Variants in CAMK2D observed in about 807,000 individuals in gnomAD.
CAMK2D encodes the protein calcium/calmodulin dependent protein kinase II delta.
In CAMK2D, 37 loss-of-function variants were observed where a neutral mutation model predicts 84.0. The ratio of observed to expected loss-of-function variants is 0.44; its 90% confidence interval spans 0.34 to 0.58. The LOEUF is 0.58. Ranked by LOEUF, CAMK2D falls within the 20% of genes least tolerant of loss-of-function variation. CAMK2D has a pLI of 0.02. For synonymous variants in CAMK2D, 202 were observed against 212.5 expected, an observed-to-expected ratio of 0.95 and a Z score of 0.43; for missense variants, 448 against 652.5, an observed-to-expected ratio of 0.69 and a Z score of 3.41.
intron 16 of CAMK2D, among the ~76,000 whole-genome samples, chr4:113,474,839 G>C (rs1380272526): frequency 6.6e-6 from 1 of 152,012 alleles, no homozygotes; most frequent in Non-Finnish European, 1.5e-5. Context: ...TAGAGACAGG[G>C]TTTCACCATG....
chr4:113,531,259 T>C lies in CAMK2D; in HGVS notation c.558A>G (p.Leu186=). Reference sequence around the variant, plus strand: ...CTGGCTTTCCATAAGGATCTTTACGTAAAACTTCTGGAGAAAGATATCCAG... The same window carrying C: ...CTGGCTTTCCATAAGGATCTTTACGCAAAACTTCTGGAGAAAGATATCCAG... The part of the protein sequence containing the change: ...GTPGYLSPEV[L]RKDPYGKPVD... Residue 186 remains leucine (L), a synonymous_variant, in exon 8 of 21, where the codon TTA becomes TTG. Coordinates refer to ENST00000511664, the MANE Select transcript of CAMK2D (RefSeq NM_001321571.2). 1 of 1,606,370 alleles carries C rather than the reference T, an allele frequency of 6.2e-7. No homozygotes were observed. The highest frequency in any genetic ancestry group is 1.1e-5 in the South Asian group (1 of 90,902).
At chr4:113,482,045 A>G (rs2097707000) in intron 16 of CAMK2D, among the ~76,000 whole-genome samples, 1 of 152,218 alleles carries the variant, frequency 6.6e-6, no homozygotes, top group African/African-American at 2.4e-5. Context: ...AGCCCTGGTC[A>G]TGGTAGGCCT....
At chr4:113,464,618 CAAAGT>C (rs140414333) in intron 17 of CAMK2D, among the ~76,000 whole-genome samples, 233 of 152,292 alleles carry the variant, frequency 1.5e-3, no homozygotes, top group Admixed American at 2.5e-3. Context: ...TTAACTTCAG[CAAAGT>C]AATTTCCTTC....
intron 6 of CAMK2D, among the ~76,000 whole-genome samples, chr4:113,540,085 T>C (rs2098520201): frequency 6.6e-6 from 1 of 152,144 alleles, no homozygotes; most frequent in African/African-American, 2.4e-5. Flanking sequence ...TGTTCTGTGA[T>C]TGTGTGGGAG....
chr4:113,457,499 C>T lies in CAMK2D; in HGVS notation c.1371G>A (p.Gly457=), dbSNP rs747823243. 6.2e-7 allele frequency: 1 copy of T among 1,613,472 alleles called. No individual in the cohort carries two copies. Among genetic ancestry groups the T allele is most frequent in the Non-Finnish European group, 8.5e-7 (1 of 1,179,478 alleles). Residue 457 remains glycine, a synonymous_variant, in exon 19 of 21, where the codon GGG becomes GGA. Transcript: ENST00000511664. ...IILNPHVHLV[G]DDAACIAYIR... is the part of the protein sequence containing the mutation. ...TATATGCTATGCAGGCGGCATCATCCCCTACCAGATGTACATGAGGGTTTA... is the reference window on the plus strand; with the variant it reads ...TATATGCTATGCAGGCGGCATCATCTCCTACCAGATGTACATGAGGGTTTA...
chr4:113,567,316 C>T (rs751607896), intron 4 of CAMK2D, among the ~76,000 whole-genome samples: 1 of 151,952 alleles, frequency 6.6e-6, no homozygotes, highest in African/African-American at 2.4e-5. Context: ...TACAGGCACC[C>T]GCCACCAAGC....
chr4:113,745,695 A>AT (rs2148981756), intron 2 of CAMK2D, among the ~76,000 whole-genome samples: 1 of 152,316 alleles, frequency 6.6e-6, no homozygotes, highest in South Asian at 2.1e-4. Context: ...AAAATAAGTG[A>AT]TGTAGCGTTT....
chr4:113,682,242 T>A (rs1461331932), intron 2 of CAMK2D, among the ~76,000 whole-genome samples: 3 of 152,158 alleles, frequency 2.0e-5, no homozygotes, highest in Admixed American at 6.5e-5. Flanking sequence ...ATTCATTTTT[T>A]AAAAAATTGC....
intron 4 of CAMK2D, among the ~76,000 whole-genome samples, chr4:113,559,862 A>G (rs1290469691): frequency 6.6e-6 from 1 of 152,254 alleles, no homozygotes; most frequent in African/African-American, 2.4e-5. Flanking sequence ...AGATTCTAAC[A>G]TATTTCTAAT....
chr4:113,665,216 T>C (rs1336350819), intron 2 of CAMK2D, among the ~76,000 whole-genome samples: 1 of 152,240 alleles, frequency 6.6e-6, no homozygotes, highest in Non-Finnish European at 1.5e-5. Flanking sequence ...ATCATAGGCA[T>C]TCTGCACTCT....
At chr4:113,708,082 TA>T (rs576585853) in intron 2 of CAMK2D, among the ~76,000 whole-genome samples, 25 of 151,210 alleles carry the variant, frequency 1.7e-4, no homozygotes, top group Admixed American at 1.6e-3. Flanking sequence ...ATACCAACCA[TA>T]AAAAAAAAGT....
intron 4 of CAMK2D, among the ~76,000 whole-genome samples, chr4:113,552,633 A>G (rs1456644584): frequency 6.6e-6 from 1 of 152,242 alleles, no homozygotes; most frequent in African/African-American, 2.4e-5. Flanking sequence ...TTTACATGAA[A>G]TTATGGGCAC....
chr4:113,609,612 G>A (rs572397875), intron 3 of CAMK2D, among the ~76,000 whole-genome samples: 1 of 152,162 alleles, frequency 6.6e-6, no homozygotes, highest in South Asian at 2.1e-4. Context: ...CACTCTCTTT[G>A]CTATCACCTT....
chr4:113,556,995 C>T (rs1458996600), intron 4 of CAMK2D, among the ~76,000 whole-genome samples: 2 of 152,164 alleles, frequency 1.3e-5, no homozygotes, highest in African/African-American at 4.8e-5. Context: ...CTGGTTTGAC[C>T]TGTTATTTGA....
chr4:113,515,038 G>GTTCT (rs1560634628), intron 10 of CAMK2D, 31 bp downstream of exon 10: 1 of 1,595,946 alleles, frequency 6.3e-7, no homozygotes. Flanking sequence ...TTTCATTTTA[G>GTTCT]TTCTTGAAGT....
At chr4:113,718,570 CCATA>C (rs2099520644) in intron 2 of CAMK2D, among the ~76,000 whole-genome samples, 1 of 152,176 alleles carries the variant, frequency 6.6e-6, no homozygotes. Flanking sequence ...GACTCCCAAA[CCATA>C]ATTTCTAATA....
At chr4:113,539,195 GT>G (rs1218616172) in intron 6 of CAMK2D, among the ~76,000 whole-genome samples, 1 of 152,160 alleles carries the variant, frequency 6.6e-6, no homozygotes, top group Admixed American at 6.5e-5. Context: ...AAGAAGTTAA[GT>G]TCCAACTATT....
At chr4:113,740,645 T>C (rs1212531733) in intron 2 of CAMK2D, among the ~76,000 whole-genome samples, 1 of 152,162 alleles carries the variant, frequency 6.6e-6, no homozygotes, top group African/African-American at 2.4e-5. Context: ...GTTTGACTAG[T>C]AGTCATCTAC....
At chr4:113,548,019 C>G (rs564048749) in intron 5 of CAMK2D, among the ~76,000 whole-genome samples, 36 of 152,260 alleles carry the variant, frequency 2.4e-4, no homozygotes, top group Admixed American at 7.8e-4. Flanking sequence ...AAGTGGAACA[C>G]AAATATAATC....
Sources: allele counts gnomAD v4.1 joint callset (sites outside exome capture counted in the v4.1 genomes callset), GRCh38; gene constraint gnomAD v4.1.1; transcripts MANE v1.5; gene names NCBI Gene and HGNC (gene_info 2026-07-23, HGNC 2026-07-21).